The following PPFIBP1 variants were observed in gnomAD, a reference collection of about 807,000 sequenced individuals.
PPFIBP1 encodes PPFIB scaffold protein 1, also known as liprin-beta-1.
Under a neutral mutation model 137.8 loss-of-function variants are expected in PPFIBP1, and 112 were observed. The ratio of observed to expected loss-of-function variants is 0.81; its 90% confidence interval spans 0.70 to 0.95. The LOEUF (loss-of-function observed/expected upper bound fraction) is 0.95, where lower values mean the gene tolerates loss of function less well. Among genes scored for constraint, PPFIBP1 ranks in the 40% least tolerant of loss-of-function variants. PPFIBP1 has a pLI of 0.00. For missense variants in PPFIBP1, 1,083 were observed against 1,196.6 expected (o/e 0.91, Z 1.40); for synonymous variants, 378 against 417.3 (o/e 0.91, Z 1.15).
At chr12:27,677,492 A>G (rs2060595522) in intron 19 of PPFIBP1, 1 of 213,080 alleles carries the variant, frequency 4.7e-6, no homozygotes, top group Admixed American at 5.1e-5. Flanking sequence ...AGCCTCCAAA[A>G]AGAAATTTTT....
chr12:27,673,135 G>A (rs1565987372), intron 15 of PPFIBP1, among the ~76,000 whole-genome samples: 1 of 152,086 alleles, frequency 6.6e-6, no homozygotes, highest in African/African-American at 2.4e-5. Flanking sequence ...CTCTAAACTG[G>A]TCACATATCT....
At chr12:27,670,439 G>A (rs912314848) in intron 13 of PPFIBP1, among the ~76,000 whole-genome samples, 4 of 152,118 alleles carry the variant, frequency 2.6e-5, no homozygotes, top group African/African-American at 9.7e-5. Flanking sequence ...TAATTAACTG[G>A]CTTGACCAAT....
intron 2 of PPFIBP1, chr12:27,608,997 G>T: frequency 6.0e-6 from 1 of 165,688 alleles, no homozygotes. Flanking sequence ...TCTCTTCTTC[G>T]GGGTCTCCCT....
At chr12:27,558,255 G>T in intron 1 of PPFIBP1, among the ~76,000 whole-genome samples, 1 of 106,318 alleles carries the variant, frequency 9.4e-6, no homozygotes, top group African/African-American at 3.5e-5. Context: ...AGACCTTCTG[G>T]GTTTTTTTTT....
chr12:27,558,467 TACACACACACACACACACAC>T (rs10677887), intron 1 of PPFIBP1, among the ~76,000 whole-genome samples: 2 of 129,282 alleles, frequency 1.5e-5, no homozygotes, highest in Non-Finnish European at 3.2e-5. Flanking sequence ...CAGTATGTTA[TACACACACACACACACACAC>T]ACACACACGA....
At chr12:27,555,911 A>G (rs538052800) in intron 1 of PPFIBP1, among the ~76,000 whole-genome samples, 66 of 152,232 alleles carry the variant, frequency 4.3e-4, no homozygotes, top group Non-Finnish European at 8.7e-4. Context: ...AAAAAAAGCA[A>G]TTACTTATTT....
intron 11 of PPFIBP1, among the ~76,000 whole-genome samples, chr12:27,663,212 G>T (rs2059655266): frequency 6.6e-6 from 1 of 152,074 alleles, no homozygotes; most frequent in Admixed American, 6.5e-5. Context: ...GCCACAAAGG[G>T]CAAATGTTAT....
chr12:27,593,885 T>C, intron 2 of PPFIBP1: 1 of 1,478,728 alleles, frequency 6.8e-7, no homozygotes, highest in Non-Finnish European at 9.0e-7. Context: ...AGGGAGAAAG[T>C]GGATGGAAGG....
intron 13 of PPFIBP1, among the ~76,000 whole-genome samples, chr12:27,670,192 TA>T (rs1469904865): frequency 1.3e-5 from 2 of 152,210 alleles, no homozygotes; most frequent in Non-Finnish European, 2.9e-5. Flanking sequence ...TCTACAGTTG[TA>T]AAAAATTATT....
intron 2 of PPFIBP1, among the ~76,000 whole-genome samples, chr12:27,620,416 T>G (rs2056229881): frequency 6.6e-6 from 1 of 152,198 alleles, no homozygotes; most frequent in Non-Finnish European, 1.5e-5. Context: ...TCTAGGGGCC[T>G]TTGCATTTAC....
chr12:27,541,049 T>C (rs963097138), intron 1 of PPFIBP1, among the ~76,000 whole-genome samples: 2 of 152,256 alleles, frequency 1.3e-5, no homozygotes, highest in African/African-American at 4.8e-5. Flanking sequence ...GATTGTCTTT[T>C]GCACTTGCGG....
At chr12:27,527,689 GA>G (rs1252395480) in intron 1 of PPFIBP1, among the ~76,000 whole-genome samples, 1 of 151,900 alleles carries the variant, frequency 6.6e-6, no homozygotes, top group African/African-American at 2.4e-5. Context: ...GCTTCAAGGC[GA>G]AAACATAGGC....
At chr12:27,568,628 G>T (rs1357089163) in intron 1 of PPFIBP1, among the ~76,000 whole-genome samples, 1 of 152,186 alleles carries the variant, frequency 6.6e-6, no homozygotes, top group Non-Finnish European at 1.5e-5. Context: ...TCCCTAGCCA[G>T]CCTTCTCCTT....
At chr12:27,620,692 CAGTTTGATCACCAATAAAGTGGGGATA>C (rs61634685) in intron 2 of PPFIBP1, among the ~76,000 whole-genome samples, 19,680 of 152,064 alleles carry the variant, frequency 0.13, 1,354 homozygotes, top group African/African-American at 0.15. Context: ...TTCTGTGCCT[CAGTTTGATCACCAATAAAGTGGGGATA>C]AGTATTGTGT....
At chr12:27,612,896 A>C (rs1211132592) in intron 2 of PPFIBP1, among the ~76,000 whole-genome samples, 1 of 151,806 alleles carries the variant, frequency 6.6e-6, no homozygotes, top group African/African-American at 2.4e-5. Flanking sequence ...TCCCTTCAGA[A>C]AACAGAATTT....
chr12:27,645,749 GC>G (rs1239182801), intron 4 of PPFIBP1, among the ~76,000 whole-genome samples: 1 of 152,158 alleles, frequency 6.6e-6, no homozygotes, highest in East Asian at 1.9e-4. Context: ...TACTCACAAA[GC>G]TTTGCCTGCC....
chr12:27,582,237 C>T (rs1281638145), intron 2 of PPFIBP1, among the ~76,000 whole-genome samples: 1 of 152,078 alleles, frequency 6.6e-6, no homozygotes, highest in East Asian at 1.9e-4. Context: ...TGCATACATG[C>T]TGTCTCTATA....
intron 26 of PPFIBP1, 27 bp downstream of exon 26, chr12:27,688,450 G>T: frequency 6.2e-7 from 1 of 1,609,470 alleles, no homozygotes; most frequent in South Asian, 1.1e-5. Flanking sequence ...ATTTAAAATT[G>T]ACTTACTTTG....
At chr12:27,658,743 A>G (rs1251583203) in intron 9 of PPFIBP1, 73 bp from the exon 10 acceptor site, 2 of 1,451,126 alleles carry the variant, frequency 1.4e-6, no homozygotes, top group African/African-American at 2.8e-5. Flanking sequence ...GAGACTAAAT[A>G]GTAGTGATTT....
Sources: allele counts gnomAD v4.1 joint callset (sites outside exome capture counted in the v4.1 genomes callset), GRCh38; gene constraint gnomAD v4.1.1; transcripts MANE v1.5; gene names NCBI Gene and HGNC (gene_info 2026-07-23, HGNC 2026-07-21).